Variants in CCDC69 observed in about 807,000 individuals in gnomAD.
CCDC69 encodes the protein coiled-coil domain-containing protein 69.
Under a neutral mutation model 40.3 loss-of-function variants are expected in CCDC69, and 38 were observed. That is an observed-to-expected ratio of 0.94 (90% CI 0.73 to 1.24). The LOEUF is 1.24. Among genes scored for constraint, CCDC69 ranks in the 50% most tolerant of loss-of-function variants. CCDC69 has a pLI of 0.00. For synonymous variants in CCDC69, 141 were observed against 138.9 expected, an observed-to-expected ratio of 1.02 and a Z score of -0.11; for missense variants, 389 against 357.9, an observed-to-expected ratio of 1.09 and a Z score of -0.70.
intron 1 of CCDC69, among the ~76,000 whole-genome samples, chr5:151,209,673 A>G (rs1359766316): frequency 6.6e-6 from 1 of 151,742 alleles, no homozygotes; most frequent in Non-Finnish European, 1.5e-5. Flanking sequence ...TCCGCCTCCC[A>G]GGCTCAAGCA....
At chr5:151,203,367 G>A (rs1431623161) in intron 2 of CCDC69, among the ~76,000 whole-genome samples, 1 of 151,436 alleles carries the variant, frequency 6.6e-6, no homozygotes, top group Non-Finnish European at 1.5e-5. Flanking sequence ...AAATTTAGGT[G>A]GGCATGGTGG....
chr5:151,190,900 A>G (rs1056567613), intron 4 of CCDC69, among the ~76,000 whole-genome samples: 1 of 152,114 alleles, frequency 6.6e-6, no homozygotes, highest in African/African-American at 2.4e-5. Context: ...TCAACCCAAC[A>G]TTATGAACAT....
chr5:151,202,632 C>T (rs1445265672), intron 2 of CCDC69, among the ~76,000 whole-genome samples: 1 of 152,188 alleles, frequency 6.6e-6, no homozygotes, highest in African/African-American at 2.4e-5. Flanking sequence ...CCTGCTGGGG[C>T]CCATGAGCAT....
rs942735097 is a variant in CCDC69, at chr5:151,223,825, C to A, written c.48+98G>T. 1.0e-5 allele frequency: 13 copies of A among 1,248,054 alleles called. No individual in the cohort carries two copies. In the African/African-American group the frequency reaches 2.0e-4, roughly 20 times the overall value. 77.3% of individuals were successfully genotyped at this position (1,248,054 alleles called of 1,614,324 possible). A position where few individuals can be genotyped will look rare whatever the true frequency, so the allele number is the denominator to read the frequency against. On this transcript the variant is annotated intron_variant, in intron 1 of 8. Transcript: ENST00000355417. Reference sequence around the variant, plus strand: ...CAGGTTCTCCGTCCGGTATCCCGGGCCGACCAGAGAGAGCCCGGGGCGCCG... The same window carrying A: ...CAGGTTCTCCGTCCGGTATCCCGGGACGACCAGAGAGAGCCCGGGGCGCCG...
In CCDC69 at chr5:151,223,990, G is replaced by A; in HGVS notation, c.-20C>T. 6.5e-7 allele frequency: 1 copy of A among 1,548,468 alleles called. No homozygotes were observed. The highest frequency in any genetic ancestry group is 8.7e-7 in the Non-Finnish European group (1 of 1,153,994). On this transcript the variant is annotated 5_prime_UTR_variant, in exon 1 of 9. Coordinates refer to ENST00000355417, the MANE Select transcript of CCDC69 (RefSeq NM_015621.3). ...GCCCATCCTCCTCCGGGGGCTCCCG[G>A]ACGCCGCTTCCCAACTCCGGGGCCC...
chr5:151,193,647 C>T (rs998328186), intron 4 of CCDC69, among the ~76,000 whole-genome samples: 4 of 152,002 alleles, frequency 2.6e-5, no homozygotes, highest in African/African-American at 7.3e-5. Context: ...AACCATAAGG[C>T]TTTGGAAGAA....
chr5:151,197,293 C>T (rs1752713180), intron 4 of CCDC69, among the ~76,000 whole-genome samples: 3 of 152,058 alleles, frequency 2.0e-5, no homozygotes, highest in African/African-American at 2.4e-5. Context: ...TTTGGGAGGC[C>T]GAGGTGGGCG....
chr5:151,213,315 C>T (rs1046174023), intron 1 of CCDC69, among the ~76,000 whole-genome samples: 4 of 152,096 alleles, frequency 2.6e-5, no homozygotes, highest in Non-Finnish European at 5.9e-5. Flanking sequence ...GGCGTGATCT[C>T]GGCTCACTGC....
chr5:151,186,863 A>T (rs1295118707), intron 5 of CCDC69, among the ~76,000 whole-genome samples: 2 of 151,924 alleles, frequency 1.3e-5, no homozygotes, highest in South Asian at 4.2e-4. Context: ...TGAAACTCAT[A>T]CCCCAGGCAT....
chr5:151,222,114 C>T (rs898731457), intron 1 of CCDC69, among the ~76,000 whole-genome samples: 9 of 152,218 alleles, frequency 5.9e-5, no homozygotes, highest in South Asian at 2.1e-4. Context: ...ACAAAGAACA[C>T]GGAGCTAGGG....
At chr5:151,216,664 C>T (rs373159628) in intron 1 of CCDC69, among the ~76,000 whole-genome samples, 16 of 152,206 alleles carry the variant, frequency 1.1e-4, no homozygotes, top group African/African-American at 3.9e-4. Flanking sequence ...GATCCGCCCG[C>T]CTCAGTCTCC....
intron 1 of CCDC69, among the ~76,000 whole-genome samples, chr5:151,205,861 C>A (rs1013625136): frequency 8.5e-5 from 13 of 152,190 alleles, no homozygotes; most frequent in Admixed American, 1.3e-4. Context: ...CTAGAAACCT[C>A]CCAACCCCCA....
intron 4 of CCDC69, among the ~76,000 whole-genome samples, chr5:151,198,290 TGATCTATCTATCTATC>T (rs1160093071): frequency 3.0e-5 from 4 of 132,420 alleles, no homozygotes; most frequent in Non-Finnish European, 5.0e-5. Flanking sequence ...AGAATGAGAT[TGATCTATCTATCTATC>T]TATCTATCTA....
chr5:151,220,429 C>T (rs1209631094), intron 1 of CCDC69, among the ~76,000 whole-genome samples: 1 of 152,186 alleles, frequency 6.6e-6, no homozygotes, highest in Non-Finnish European at 1.5e-5. Flanking sequence ...AACCAGCATC[C>T]AACCCAGAGC....
intron 1 of CCDC69, chr5:151,210,529 G>A (rs1272682946): frequency 6.6e-6 from 1 of 152,086 alleles, no homozygotes; most frequent in Admixed American, 6.5e-5. Flanking sequence ...GGGCGACAGA[G>A]TGAGACCCTG....
intron 3 of CCDC69, among the ~76,000 whole-genome samples, 200 bp downstream of exon 3, chr5:151,201,382 T>A (rs901900229): frequency 1.3e-5 from 2 of 152,172 alleles, no homozygotes; most frequent in Non-Finnish European, 2.9e-5. Context: ...AGCTGCCAGC[T>A]CTGCTTGTTT....
intron 1 of CCDC69, chr5:151,211,035 T>A (rs932619297): frequency 6.6e-6 from 1 of 152,234 alleles, no homozygotes; most frequent in African/African-American, 2.4e-5. Context: ...TTTAAAAAAA[T>A]GTTGGCAAAT....
At chr5:151,193,072 T>G (rs1752643164) in intron 4 of CCDC69, among the ~76,000 whole-genome samples, 1 of 152,196 alleles carries the variant, frequency 6.6e-6, no homozygotes, top group Non-Finnish European at 1.5e-5. Context: ...ATAGGTTATA[T>G]GCAAATAATA....
chr5:151,188,666 T>C (rs1278091025), intron 4 of CCDC69, among the ~76,000 whole-genome samples: 1 of 151,454 alleles, frequency 6.6e-6, no homozygotes, highest in Non-Finnish European at 1.5e-5. Context: ...AAAAAATTTA[T>C]AAGAATTTAT....
Sources: allele counts gnomAD v4.1 joint callset (sites outside exome capture counted in the v4.1 genomes callset), GRCh38; gene constraint gnomAD v4.1.1; transcripts MANE v1.5; gene names NCBI Gene and HGNC (gene_info 2026-07-23, HGNC 2026-07-21).